ERCC4: variants seen among roughly 807,000 people sequenced by gnomAD.
ERCC4 encodes ERCC excision repair 4, endonuclease catalytic subunit.
A neutral mutation model predicts 76.9 loss-of-function variants in ERCC4; 65 were observed. That is an observed-to-expected ratio of 0.84 (90% CI 0.69 to 1.04). The LOEUF (loss-of-function observed/expected upper bound fraction) is 1.04, where lower values mean the gene tolerates loss of function less well. Ranked by LOEUF, ERCC4 falls within the 50% of genes least tolerant of loss-of-function variation. The pLI, the probability that ERCC4 is intolerant of heterozygous loss-of-function variation, is 0.00. For synonymous variants in ERCC4, 463 were observed against 410.1 expected, an observed-to-expected ratio of 1.13 and a Z score of -1.56; for missense variants, 1,214 against 1,128.2, an observed-to-expected ratio of 1.08 and a Z score of -1.09.
At chr16:13,924,036 C>G (rs1257093180) in intron 2 of ERCC4, among the ~76,000 whole-genome samples, 1 of 152,184 alleles carries the variant, frequency 6.6e-6, no homozygotes, top group Non-Finnish European at 1.5e-5. Flanking sequence ...CCTTTCTGAT[C>G]AAAGCCCACC....
In ERCC4 at chr16:13,935,347, C is replaced by A. The variant is rs572439259; in HGVS notation, c.1415C>A (p.Pro472His). Residue 472 changes from proline to histidine, a missense_variant, in exon 8 of 11, where the codon CCC (proline) becomes CAC (histidine). By Grantham distance (77) the Pro-to-His change is moderately conservative. Coordinates refer to ENST00000311895, the MANE Select transcript of ERCC4 (RefSeq NM_005236.3). ...IRKSHKRPKDPQNKERASTKE... is the reference protein window; with the variant it reads ...IRKSHKRPKDHQNKERASTKE... Reference sequence around the variant, plus strand: ...AAATCTCACAAAAGACCTAAAGACCCCCAAAACAAAGAACGGGCTTCTACC... The same window carrying A: ...AAATCTCACAAAAGACCTAAAGACCACCAAAACAAAGAACGGGCTTCTACC... 6.2e-7 allele frequency: 1 copy of A among 1,610,020 alleles called. No individual in the cohort carries two copies. Among genetic ancestry groups the A allele is most frequent in the Non-Finnish European group, 8.5e-7 (1 of 1,179,054 alleles).
At position 13,926,563 on chromosome 16, in the gene ERCC4, A is replaced by G. The variant is rs769186966; in HGVS notation, c.391A>G (p.Ile131Val). The G allele has an allele frequency of 1.9e-6, 3 of 1,613,654 alleles. No homozygotes were observed. The highest frequency in any genetic ancestry group is 8.5e-7 in the Non-Finnish European group (1 of 1,179,576). The change falls in exon 3 of 11, where the codon ATC becomes GTC. Residue 131 changes from isoleucine (I) to valine (V), a missense_variant and splice_region_variant. By Grantham distance (29) the Ile-to-Val change is conservative. Transcript: ENST00000311895. ...TAAATTATGTTTCTCCCCCTCAGGC[A>G]TCTTGGTGTATAGAGCCCACAGAAT... The part of the protein sequence containing the change: ...DRIPSDLITG[I>V]LVYRAHRIIE...
At chr16:13,923,525 T>G (rs2032018022) in intron 2 of ERCC4, among the ~76,000 whole-genome samples, 1 of 152,212 alleles carries the variant, frequency 6.6e-6, no homozygotes, top group African/African-American at 2.4e-5. Flanking sequence ...GTAAACCGAC[T>G]GAAGAAGTTT....
chr16:13,926,077 A>G (rs942232808), intron 2 of ERCC4, among the ~76,000 whole-genome samples: 3 of 152,184 alleles, frequency 2.0e-5, no homozygotes, highest in Non-Finnish European at 2.9e-5. Context: ...CAGACTTCTA[A>G]AATGTGGCTA....
rs1192619321 is a variant in ERCC4 at position 13,951,602 on chromosome 16, G to C, written c.*3255G>C. The stretch of plus-strand genomic sequence containing the variant: ...CTGGATACAGTTTCCCAGCTCATGA[G>C]GGACTGAAAATAGTCTTATTCATCA... On this transcript the variant is annotated 3_prime_UTR_variant, in exon 11 of 11. Transcript: ENST00000311895. 2 of 214,302 alleles carry C rather than the reference G, an allele frequency of 9.3e-6. No homozygotes were observed. The highest frequency in any genetic ancestry group is 4.5e-5 in the African/African-American group (2 of 44,246). The allele number at this position is 214,302 out of a possible 1,614,324, so 13.3% of individuals were successfully genotyped here.
intron 2 of ERCC4, among the ~76,000 whole-genome samples, chr16:13,925,707 T>G (rs3136084): frequency 0.036 from 5,526 of 152,276 alleles, 329 homozygotes; most frequent in African/African-American, 0.12. Context: ...GGTAACCAGC[T>G]TGATTTAGGT....
intron 2 of ERCC4, chr16:13,922,635 G>A (rs757871177): frequency 1.2e-4 from 65 of 552,336 alleles, no homozygotes; most frequent in Middle Eastern, 6.8e-4. Flanking sequence ...GCACATGGCC[G>A]CAGCCCTTTT....
chr16:13,920,393 G>T (rs767064048), intron 1 of ERCC4, 21 bp downstream of exon 1: 1 of 1,544,040 alleles, frequency 6.5e-7, no homozygotes, highest in Non-Finnish European at 8.7e-7. Context: ...GCTGGCGCGG[G>T]AGTGAGGGGA....
Position 13,952,165 on chromosome 16 carries a change from G to A in ERCC4, c.*3818G>A, listed in dbSNP as rs886051683. On this transcript the variant is annotated 3_prime_UTR_variant, in exon 11 of 11. Transcript: ENST00000311895. ...AATTTTAACAGAGTTGTATTTGTGT[G>A]TGTTTAATAAAATATATATTTATTC... 1.7e-4 allele frequency: 32 copies of A among 187,028 alleles called. No individual in the cohort carries two copies. The highest frequency in any genetic ancestry group is 7.3e-4 in the African/African-American group (31 of 42,668). The allele number at this position is 187,028 out of a possible 1,614,324, so 11.6% of individuals were successfully genotyped here. A position where few individuals can be genotyped will look rare whatever the true frequency, so the allele number is the denominator to read the frequency against.
chr16:13,938,304 C>A (rs1245470615), intron 9 of ERCC4, among the ~76,000 whole-genome samples: 2 of 152,152 alleles, frequency 1.3e-5, no homozygotes, highest in Non-Finnish European at 2.9e-5. Context: ...TGATCACCAT[C>A]AATAGAATCA....
chr16:13,922,751 A>C, intron 2 of ERCC4: 1 of 298,640 alleles, frequency 3.3e-6, no homozygotes, highest in Non-Finnish European at 6.5e-6. Context: ...TGAACGCTCT[A>C]CTAGAACCTT....
At position 13,935,138 on chromosome 16, in the gene ERCC4, A is replaced by C; in HGVS notation, c.1214-8A>C. The C allele has an allele frequency of 6.2e-7, 1 of 1,602,562 alleles. No homozygotes were observed. Among genetic ancestry groups the C allele is most frequent in the Non-Finnish European group, 8.6e-7 (1 of 1,169,410 alleles). On this transcript the variant is annotated splice_polypyrimidine_tract_variant and splice_region_variant and intron_variant, in intron 7 of 10. Transcript: ENST00000311895. ...TAATAGTAACATAATGTTGTTTTCT[A>C]TTTTCAGGTCAAGTACTGATTTGTG... is the stretch of plus-strand genomic sequence containing the variant.
chr16:13,946,285 A>G lies in ERCC4; in HGVS notation c.2018-1329A>G, dbSNP rs143358186. The stretch of plus-strand genomic sequence containing the variant: ...ATTAGGCGATTTCATCATTACATGA[A>G]CATCACAGAACGTGCTTACACAAAG... On this transcript the variant is annotated intron_variant, in intron 10 of 10. Coordinates refer to ENST00000311895, the MANE Select transcript of ERCC4 (RefSeq NM_005236.3). Among the ~76,000 whole-genome samples, 18 of 152,358 alleles carry G rather than the reference A, an allele frequency of 1.2e-4. 1 individual carries two copies. The East Asian group carries it at 2.7e-3, about 23-fold the overall frequency.
In ERCC4 at chr16:13,949,832, CAGT is replaced by C. The variant is rs2032597608; in HGVS notation, c.*1486_*1488del. 1 of 232,410 alleles carries C rather than the reference CAGT, an allele frequency of 4.3e-6. No individual in the cohort carries two copies. Among genetic ancestry groups the C allele is most frequent in the Non-Finnish European group, 8.5e-6 (1 of 117,662 alleles). The allele number at this position is 232,410 out of a possible 1,614,324, so 14.4% of individuals were successfully genotyped here. ...CTACCTCAGGAGCTGATATAGACAT[CAGT>C]TCTGCTAGCCATATCACATATTTTA... On this transcript the variant is annotated 3_prime_UTR_variant, in exon 11 of 11. Transcript: ENST00000311895.
chr16:13,926,852 G>A, intron 3 of ERCC4, 96 bp downstream of exon 3: 2 of 992,838 alleles, frequency 2.0e-6, no homozygotes, highest in Non-Finnish European at 3.2e-6. Context: ...GTAATATAAT[G>A]TAAAATTCAT....
chr16:13,949,703 C>A lies in ERCC4; in HGVS notation c.*1356C>A. 1 of 232,690 alleles carries A rather than the reference C, an allele frequency of 4.3e-6. No individual in the cohort carries two copies. Among genetic ancestry groups the A allele is most frequent in the Non-Finnish European group, 8.5e-6 (1 of 117,770 alleles). The allele number at this position is 232,690 out of a possible 1,614,324, so 14.4% of individuals were successfully genotyped here. A position where few individuals can be genotyped will look rare whatever the true frequency, so the allele number is the denominator to read the frequency against. On this transcript the variant is annotated 3_prime_UTR_variant, in exon 11 of 11. Coordinates refer to ENST00000311895, the MANE Select transcript of ERCC4 (RefSeq NM_005236.3). ...TAAGTTGGCTTTTTACGTAAGTGTA[C>A]AAATAGGATATTCACAGCATCTTTG... is the stretch of plus-strand genomic sequence containing the variant.
chr16:13,945,297 C>T (rs78201172), intron 10 of ERCC4, among the ~76,000 whole-genome samples: 5 of 152,300 alleles, frequency 3.3e-5, no homozygotes, highest in African/African-American at 9.6e-5. Flanking sequence ...TCCTCTCCTT[C>T]TGTATTCATT....
In ERCC4 at chr16:13,934,304, TAGGA is replaced by T; in HGVS notation, c.1213+4_1213+7del. The T allele has an allele frequency of 6.3e-7, 1 of 1,595,466 alleles. No individual in the cohort carries two copies. Among genetic ancestry groups the T allele is most frequent in the Non-Finnish European group, 8.6e-7 (1 of 1,163,356 alleles). Reference sequence around the variant, plus strand: ...AGAGTGAAGCTCTTGGTGGTCCAGGTAGGAAAAAAGGAGATGAAAACATTTGCTT... The same window carrying T: ...AGAGTGAAGCTCTTGGTGGTCCAGGTAAAAAGGAGATGAAAACATTTGCTT... On this transcript the variant is annotated splice_donor_5th_base_variant and intron_variant, in intron 7 of 10. Transcript: ENST00000311895.
chr16:13,946,494 C>T (rs3136216), intron 10 of ERCC4, among the ~76,000 whole-genome samples: 11,339 of 152,250 alleles, frequency 0.074, 480 homozygotes, highest in African/African-American at 0.12. Context: ...TGTGATCTTA[C>T]GGGATCACTG....
Sources: gnomAD v4.1 joint callset for allele counts (sites outside exome capture counted in the v4.1 genomes callset) on GRCh38, gnomAD v4.1.1 for gene constraint, MANE v1.5 for transcripts, NCBI Gene and HGNC (gene_info 2026-07-23, HGNC 2026-07-21) for gene names.